PTPRT: variants seen among roughly 807,000 people sequenced by gnomAD.
PTPRT encodes the protein receptor-type tyrosine-protein phosphatase T.
PTPRT carries 56 observed loss-of-function variants against 176.8 expected under a neutral mutation model. The observed-to-expected ratio is 0.32, with a 90% CI of 0.26 to 0.40. PTPRT has a LOEUF of 0.40. Ranked by LOEUF, PTPRT falls within the 10% of genes least tolerant of loss-of-function variation. The probability of loss-of-function intolerance (pLI) is 1.00; values close to 1 mark genes in which losing one functional copy is unlikely to be tolerated. For missense variants in PTPRT, 1,540 were observed against 1,908.2 expected, an observed-to-expected ratio of 0.81 and a Z score of 3.60; for synonymous variants, 783 against 739.0, an observed-to-expected ratio of 1.06 and a Z score of -0.96.
chr20:42,962,805 C>T (rs560290325), intron 1 of PTPRT, among the ~76,000 whole-genome samples: 1 of 152,294 alleles, frequency 6.6e-6, no homozygotes, highest in South Asian at 2.1e-4. Flanking sequence ...CGGTGGCTCA[C>T]GCCTGTACTC....
chr20:42,955,278 G>A (rs915368779), intron 1 of PTPRT, among the ~76,000 whole-genome samples: 3 of 152,144 alleles, frequency 2.0e-5, no homozygotes, highest in Non-Finnish European at 2.9e-5. Flanking sequence ...CTAGGTTACT[G>A]GCCAGTTAGT....
intron 6 of PTPRT, among the ~76,000 whole-genome samples, chr20:42,700,293 C>T (rs940940567): frequency 6.6e-6 from 1 of 152,174 alleles, no homozygotes; most frequent in Non-Finnish European, 1.5e-5. Context: ...GGTCTCTCCA[C>T]AGCAGGCAGT....
intron 7 of PTPRT, among the ~76,000 whole-genome samples, chr20:42,631,944 T>C (rs1475212252): frequency 6.6e-6 from 1 of 152,156 alleles, no homozygotes; most frequent in Non-Finnish European, 1.5e-5. Flanking sequence ...TCTTGGGATA[T>C]GCCAGATAGT....
intron 16 of PTPRT, among the ~76,000 whole-genome samples, chr20:42,197,212 G>C (rs532841488): frequency 6.6e-6 from 1 of 151,334 alleles, no homozygotes; most frequent in Non-Finnish European, 1.5e-5. Context: ...ACCCCGTCTC[G>C]ACTAAAAATA....
At chr20:42,707,082 T>C (rs973051470) in intron 6 of PTPRT, among the ~76,000 whole-genome samples, 1 of 152,194 alleles carries the variant, frequency 6.6e-6, no homozygotes, top group Non-Finnish European at 1.5e-5. Flanking sequence ...ACCCTTCAGA[T>C]TCCAAAAGGA....
intron 7 of PTPRT, among the ~76,000 whole-genome samples, chr20:42,592,322 G>C (rs1288599999): frequency 6.6e-6 from 1 of 152,132 alleles, no homozygotes. Flanking sequence ...GCGCCGACTG[G>C]ATAAATAGGC....
At chr20:42,402,449 A>G (rs1887843450) in intron 9 of PTPRT, among the ~76,000 whole-genome samples, 1 of 151,038 alleles carries the variant, frequency 6.6e-6, no homozygotes, top group Admixed American at 6.6e-5. Context: ...ATTCTCAGAA[A>G]GATGCCCTGT....
intron 2 of PTPRT, among the ~76,000 whole-genome samples, chr20:42,815,951 C>CT (rs966574146): frequency 4.1e-4 from 63 of 151,868 alleles, no homozygotes; most frequent in African/African-American, 1.4e-3. Context: ...GAACAGAAAA[C>CT]TTTTTTTTTC....
intron 7 of PTPRT, among the ~76,000 whole-genome samples, chr20:42,525,764 A>T (rs150266519): frequency 1.6e-4 from 24 of 152,348 alleles, no homozygotes; most frequent in Non-Finnish European, 3.1e-4. Flanking sequence ...TAGAAGCTAC[A>T]GCAAAAAGAC....
At chr20:42,880,114 G>A (rs528822126) in intron 2 of PTPRT, among the ~76,000 whole-genome samples, 1 of 151,998 alleles carries the variant, frequency 6.6e-6, no homozygotes, top group East Asian at 1.9e-4. Context: ...GGGCAGGCCC[G>A]GGGGGGTTTG....
chr20:42,495,150 A>T (rs1223136378), intron 7 of PTPRT, among the ~76,000 whole-genome samples: 4 of 152,194 alleles, frequency 2.6e-5, no homozygotes, highest in Non-Finnish European at 5.9e-5. Flanking sequence ...TAACGTCCCC[A>T]CTTATAGATG....
At chr20:42,950,310 A>G (rs568993673) in intron 1 of PTPRT, among the ~76,000 whole-genome samples, 1 of 152,320 alleles carries the variant, frequency 6.6e-6, no homozygotes, top group Non-Finnish European at 1.5e-5. Flanking sequence ...GAAATCGTAC[A>G]TTCTGTCAGC....
the PTPRT span, among the ~76,000 whole-genome samples, chr20:42,057,886 T>C: frequency 3.7e-3 from 570 of 152,292 alleles, 3 homozygotes; most frequent in Non-Finnish European, 6.5e-3. Context: ...GCCCAGCCTG[T>C]CCTTACTTTT....
intron 7 of PTPRT, among the ~76,000 whole-genome samples, chr20:42,515,366 C>T (rs1277924871): frequency 6.6e-6 from 1 of 151,976 alleles, no homozygotes; most frequent in Non-Finnish European, 1.5e-5. Context: ...GCCCGTAATC[C>T]CAGTTACTCG....
rs184513716 is a variant in PTPRT, at chr20:42,808,346, T to C, written c.215-16880A>G. Among the ~76,000 whole-genome samples, 10 of 152,318 alleles carry C rather than the reference T, an allele frequency of 6.6e-5. No homozygotes were observed. In the East Asian group the frequency reaches 1.9e-3, roughly 29 times the overall value. On this transcript the variant is annotated intron_variant, in intron 2 of 30. Coordinates refer to ENST00000373187, the MANE Select transcript of PTPRT (RefSeq NM_007050.6). ...GTCTGGGGAAGCAAGTTGCTCTGTC[T>C]GGGCATTTTTGAGGGGACATTTGCG...
chr20:42,732,521 C>G (rs2076476705), intron 6 of PTPRT, among the ~76,000 whole-genome samples: 1 of 152,136 alleles, frequency 6.6e-6, no homozygotes, highest in African/African-American at 2.4e-5. Context: ...GAAGTCTTCA[C>G]AGAGAGGATG....
rs72024227 is a variant in PTPRT at position 42,717,867 on chromosome 20, CTG to C, written c.859+38593_859+38594del. On this transcript the variant is annotated intron_variant, in intron 6 of 30. Coordinates refer to ENST00000373187, the MANE Select transcript of PTPRT (RefSeq NM_007050.6). ...TTCAAACACATGACATCAAGATCAC[CTG>C]TGTGTGTGTGTGTGTGTGCATGCGC... 2.6e-3 allele frequency among the ~76,000 whole-genome samples: 383 copies of C among 150,056 alleles called. 3 individuals carry two copies. The highest frequency in any genetic ancestry group is 3.5e-3 in the Middle Eastern group (1 of 288).
intron 2 of PTPRT, among the ~76,000 whole-genome samples, chr20:42,809,883 C>T (rs1278622195): frequency 6.6e-6 from 1 of 152,026 alleles, no homozygotes; most frequent in Non-Finnish European, 1.5e-5. Flanking sequence ...TCACAAGTTC[C>T]AGGAATTACA....
At chr20:42,514,371 A>G (rs1041520709) in intron 7 of PTPRT, among the ~76,000 whole-genome samples, 2 of 152,210 alleles carry the variant, frequency 1.3e-5, no homozygotes, top group Non-Finnish European at 2.9e-5. Context: ...AGATTTTAAT[A>G]CAATTTCTCA....
Sources: gnomAD v4.1 joint callset for allele counts (sites outside exome capture counted in the v4.1 genomes callset) on GRCh38, gnomAD v4.1.1 for gene constraint, MANE v1.5 for transcripts, NCBI Gene and HGNC (gene_info 2026-07-23, HGNC 2026-07-21) for gene names.